TTC39B: variants seen among roughly 807,000 people sequenced by gnomAD.
TTC39B encodes tetratricopeptide repeat protein 39B.
TTC39B carries 92 observed loss-of-function variants against 96.6 expected under a neutral mutation model. That is an observed-to-expected ratio of 0.95 (90% CI 0.80 to 1.13). The LOEUF (loss-of-function observed/expected upper bound fraction) is 1.13, where lower values mean the gene tolerates loss of function less well. Ranked by LOEUF, TTC39B falls within the 50% of genes most tolerant of loss-of-function variation. TTC39B has a pLI of 0.00. For missense variants in TTC39B, 955 were observed against 809.3 expected (o/e 1.18, Z -2.18); for synonymous variants, 367 against 299.4 (o/e 1.23, Z -2.33).
chr9:15,226,057 T>C (rs1358219548), intron 2 of TTC39B, 45 bp from the exon 3 acceptor site: 2 of 1,584,092 alleles, frequency 1.3e-6, no homozygotes, highest in South Asian at 1.1e-5. Flanking sequence ...TTCTTTGTCC[T>C]GTGAGAAAAG....
exon 7 of TTC39B, chr9:15,203,865 A>G (rs146598918): frequency 6.8e-6 from 11 of 1,613,428 alleles, no homozygotes; most frequent in Non-Finnish European, 9.3e-6. Flanking sequence ...GACACTCGGC[A>G]TAACAGATTT....
At chr9:15,286,022 T>C (rs2131593067) in intron 1 of TTC39B, among the ~76,000 whole-genome samples, 1 of 152,356 alleles carries the variant, frequency 6.6e-6, no homozygotes, top group Middle Eastern at 3.4e-3. Flanking sequence ...CCTGAACCAT[T>C]TGAGAGCGAA....
At chr9:15,194,463 A>G (rs1819037095) in intron 8 of TTC39B, among the ~76,000 whole-genome samples, 1 of 152,180 alleles carries the variant, frequency 6.6e-6, no homozygotes, top group African/African-American at 2.4e-5. Flanking sequence ...GTGTGTGTGT[A>G]AGTCCATGTG....
At chr9:15,249,849 C>T (rs62539788) in intron 2 of TTC39B, 1 of 1,094,620 alleles carries the variant, frequency 9.1e-7, no homozygotes. Context: ...TAAATTAAAC[C>T]CTCATAGATT....
chr9:15,208,279 T>A (rs996539694), intron 6 of TTC39B, among the ~76,000 whole-genome samples: 1 of 151,926 alleles, frequency 6.6e-6, no homozygotes, highest in Admixed American at 6.6e-5. Context: ...CGCCTCGGCC[T>A]CCCAAAGTGC....
chr9:15,181,818 G>T (rs1403561448), intron 17 of TTC39B, among the ~76,000 whole-genome samples: 1 of 152,122 alleles, frequency 6.6e-6, no homozygotes, highest in African/African-American at 2.4e-5. Context: ...TTTTGTCATA[G>T]TTTTAAGATA....
chr9:15,296,995 A>T (rs1410497004), intron 1 of TTC39B, among the ~76,000 whole-genome samples: 1 of 146,966 alleles, frequency 6.8e-6, no homozygotes, highest in East Asian at 1.9e-4. Context: ...TCTTTAAGAA[A>T]AAAGAAAAGA....
chr9:15,174,408 C>A (rs1012451269), intron 19 of TTC39B, among the ~76,000 whole-genome samples: 2 of 152,150 alleles, frequency 1.3e-5, no homozygotes, highest in African/African-American at 2.4e-5. Context: ...AGGGTTTTTG[C>A]CTTACCTAAG....
chr9:15,216,395 C>T (rs1820519309), intron 3 of TTC39B, among the ~76,000 whole-genome samples: 1 of 152,172 alleles, frequency 6.6e-6, no homozygotes, highest in African/African-American at 2.4e-5. Flanking sequence ...TGAGACACCT[C>T]CTCTAGGATG....
chr9:15,291,420 A>C (rs1473858873), intron 1 of TTC39B, among the ~76,000 whole-genome samples: 1 of 152,174 alleles, frequency 6.6e-6, no homozygotes, highest in Non-Finnish European at 1.5e-5. Flanking sequence ...CCTCCTTGCC[A>C]TCTGCGATGA....
At chr9:15,294,601 C>A (rs1323992962) in intron 1 of TTC39B, among the ~76,000 whole-genome samples, 1 of 152,154 alleles carries the variant, frequency 6.6e-6, no homozygotes, top group Non-Finnish European at 1.5e-5. Context: ...GTTTACTGCT[C>A]TCTTTTGTGT....
intron 16 of TTC39B, among the ~76,000 whole-genome samples, chr9:15,184,463 G>A (rs1174245564): frequency 6.7e-6 from 1 of 150,120 alleles, no homozygotes; most frequent in Non-Finnish European, 1.5e-5. Flanking sequence ...GTGGAGGACT[G>A]CAGACATCGG....
At chr9:15,195,166 A>C (rs762657893) in intron 8 of TTC39B, among the ~76,000 whole-genome samples, 47 of 152,226 alleles carry the variant, frequency 3.1e-4, no homozygotes, top group Admixed American at 5.9e-4. Flanking sequence ...ATAAGAAAAC[A>C]AAACAGCCCT....
At chr9:15,177,975 T>C (rs554776366) in intron 17 of TTC39B, among the ~76,000 whole-genome samples, 161 bp from the exon 18 acceptor site, 270 of 150,740 alleles carry the variant, frequency 1.8e-3, no homozygotes, top group Non-Finnish European at 2.7e-3. Flanking sequence ...GTTCACGCCA[T>C]TCTCCTGCCT....
chr9:15,201,889 A>G (rs1158869874), intron 7 of TTC39B, among the ~76,000 whole-genome samples: 2 of 152,208 alleles, frequency 1.3e-5, no homozygotes, highest in Non-Finnish European at 2.9e-5. Context: ...GAAGCAGAGA[A>G]GTGACCAGGT....
chr9:15,187,964 A>C lies in TTC39B; in HGVS notation c.1395+7T>G. ...CAGATGACATTAATGAAAGTATTGC[A>C]CTTTACCTTGGACCATTTACTCTCT... On this transcript the variant is annotated splice_region_variant and intron_variant, in intron 14 of 19. Coordinates refer to ENST00000512701, the Ensembl canonical transcript of TTC39B. 1 of 1,567,480 alleles carries C rather than the reference A, an allele frequency of 6.4e-7. No homozygotes were observed. Among genetic ancestry groups the C allele is most frequent in the Non-Finnish European group, 8.6e-7 (1 of 1,159,768 alleles).
chr9:15,245,549 G>A (rs1822237553), intron 2 of TTC39B, among the ~76,000 whole-genome samples: 1 of 152,062 alleles, frequency 6.6e-6, no homozygotes, highest in African/African-American at 2.4e-5. Flanking sequence ...GAGGGGTGAT[G>A]GCAAATAAAC....
At chr9:15,201,146 G>A in intron 7 of TTC39B, among the ~76,000 whole-genome samples, 1 of 151,406 alleles carries the variant, frequency 6.6e-6, no homozygotes, top group South Asian at 2.1e-4. Context: ...ATTATTATAA[G>A]AATCAATAGA....
intron 2 of TTC39B, among the ~76,000 whole-genome samples, chr9:15,265,656 A>G (rs1379191968): frequency 6.6e-6 from 1 of 152,206 alleles, no homozygotes; most frequent in Non-Finnish European, 1.5e-5. Context: ...GGAGGAGGGG[A>G]AAAAGGGCAA....
Sources: allele counts gnomAD v4.1 joint callset (sites outside exome capture counted in the v4.1 genomes callset), GRCh38; gene constraint gnomAD v4.1.1; transcripts MANE v1.5; gene names NCBI Gene and HGNC (gene_info 2026-07-23, HGNC 2026-07-21).